Variants in IL1RAPL2 observed in about 807,000 individuals in gnomAD.
IL1RAPL2 encodes the protein X-linked interleukin-1 receptor accessory protein-like 2.
IL1RAPL2 carries 3 observed loss-of-function variants against 44.1 expected under a neutral mutation model. The observed-to-expected ratio is 0.07, with a 90% confidence interval of 0.03 to 0.18. The LOEUF is 0.18. Among genes scored for constraint, IL1RAPL2 ranks in the 10% least tolerant of loss-of-function variants. IL1RAPL2 has a pLI of 1.00. For missense variants in IL1RAPL2, 391 were observed against 496.4 expected (o/e 0.79, Z 2.02); for synonymous variants, 181 against 178.8 (o/e 1.01, Z -0.10).
At chrX:104,582,733 C>T (rs1156752736) in intron 1 of IL1RAPL2, among the ~76,000 whole-genome samples, 2 of 75,717 alleles carry the variant, frequency 2.6e-5, no homozygotes, top group Non-Finnish European at 5.0e-5. Context: ...CTCTCTCTCC[C>T]TTCCTTCCTT....
chrX:105,563,120 T>A (rs2147807689), intron 6 of IL1RAPL2, among the ~76,000 whole-genome samples: 1 of 111,928 alleles, frequency 8.9e-6, no homozygotes, highest in East Asian at 2.8e-4. Context: ...CATTTGATTT[T>A]TAACAATACA....
chrX:104,983,624 A>G (rs2030502840), intron 2 of IL1RAPL2, among the ~76,000 whole-genome samples: 1 of 97,915 alleles, frequency 1.0e-5, no homozygotes, highest in Admixed American at 1.2e-4. Flanking sequence ...ATTATATTAT[A>G]TGCATAATAT....
At chrX:105,017,309 C>T (rs1305129880) in intron 2 of IL1RAPL2, among the ~76,000 whole-genome samples, 2 of 111,276 alleles carry the variant, frequency 1.8e-5, no homozygotes, top group Non-Finnish European at 3.8e-5. Context: ...TTCAGTTCTG[C>T]TCTGATCTTA....
At chrX:105,270,482 T>A (rs747451363) in intron 5 of IL1RAPL2, among the ~76,000 whole-genome samples, 1 of 111,936 alleles carries the variant, frequency 8.9e-6, no homozygotes, top group African/African-American at 3.2e-5. Flanking sequence ...ACTGAGTACA[T>A]GTTACATGCC....
At chrX:105,412,268 C>A (rs1417241734) in intron 5 of IL1RAPL2, among the ~76,000 whole-genome samples, 1 of 105,179 alleles carries the variant, frequency 9.5e-6, no homozygotes, top group Non-Finnish European at 2.0e-5. Context: ...TAGAATCAAC[C>A]CACATGTCCA....
At chrX:105,100,211 G>A (rs1013456525) in intron 2 of IL1RAPL2, among the ~76,000 whole-genome samples, 2 of 111,562 alleles carry the variant, frequency 1.8e-5, no homozygotes, top group Non-Finnish European at 3.8e-5. Context: ...TATAAGGTTT[G>A]GTACTATCCA....
At chrX:105,157,660 T>C (rs1423062765) in intron 2 of IL1RAPL2, among the ~76,000 whole-genome samples, 1 of 111,881 alleles carries the variant, frequency 8.9e-6, no homozygotes, top group Non-Finnish European at 1.9e-5. Context: ...AGTTATATTC[T>C]AGAAAAGCAC....
At chrX:104,802,085 C>T (rs961554021) in intron 2 of IL1RAPL2, among the ~76,000 whole-genome samples, 1 of 110,926 alleles carries the variant, frequency 9.0e-6, no homozygotes, top group African/African-American at 3.3e-5. Context: ...TGGTTCACCC[C>T]TGTAATCCCA....
At chrX:105,271,693 T>C (rs2147658585) in intron 5 of IL1RAPL2, among the ~76,000 whole-genome samples, 1 of 111,029 alleles carries the variant, frequency 9.0e-6, no homozygotes, top group South Asian at 3.9e-4. Context: ...CTTCCATTTG[T>C]TTGTATCCTC....
intron 6 of IL1RAPL2, among the ~76,000 whole-genome samples, chrX:105,663,143 T>G (rs1416218876): frequency 6.3e-5 from 7 of 111,661 alleles, no homozygotes; most frequent in African/African-American, 2.3e-4. Context: ...ATCAGAAAAT[T>G]TTTGGAGAGT....
chrX:105,202,611 G>A (rs2033727198), intron 3 of IL1RAPL2, among the ~76,000 whole-genome samples: 1 of 111,358 alleles, frequency 9.0e-6, no homozygotes, highest in Non-Finnish European at 1.9e-5. Flanking sequence ...ATAATCTATT[G>A]ATTCCACCCA....
intron 5 of IL1RAPL2, among the ~76,000 whole-genome samples, chrX:105,307,002 G>A (rs1001190188): frequency 6.3e-5 from 7 of 111,020 alleles, no homozygotes; most frequent in Non-Finnish European, 1.1e-4. Context: ...CATCTTACAC[G>A]GTGGCAGGCG....
chrX:105,674,927 G>A (rs1373080241), intron 6 of IL1RAPL2, among the ~76,000 whole-genome samples: 2 of 109,659 alleles, frequency 1.8e-5, no homozygotes, highest in Non-Finnish European at 3.8e-5. Flanking sequence ...TAGCAATTGC[G>A]AAGGGGGGGT....
chrX:105,750,893 G>A (rs1418552033), intron 9 of IL1RAPL2, among the ~76,000 whole-genome samples: 1 of 111,003 alleles, frequency 9.0e-6, no homozygotes, highest in Non-Finnish European at 1.9e-5. Flanking sequence ...ATGTGTTACT[G>A]AGGGAAATGT....
intron 1 of IL1RAPL2, among the ~76,000 whole-genome samples, chrX:104,608,196 G>T (rs1035625229): frequency 9.1e-6 from 1 of 110,180 alleles, no homozygotes; most frequent in Non-Finnish European, 1.9e-5. Context: ...ACATGGACAC[G>T]TGGAGGGGAA....
intron 5 of IL1RAPL2, among the ~76,000 whole-genome samples, chrX:105,429,329 TATTC>T (rs1173011342): frequency 2.7e-5 from 3 of 111,892 alleles, no homozygotes; most frequent in African/African-American, 6.5e-5. Context: ...ATCATGAAAA[TATTC>T]AATCAATCTG....
At chrX:105,155,217 G>C (rs1417358033) in intron 2 of IL1RAPL2, among the ~76,000 whole-genome samples, 1 of 111,448 alleles carries the variant, frequency 9.0e-6, no homozygotes, top group Non-Finnish European at 1.9e-5. Context: ...AGGGTAGAGA[G>C]AAGGAATATA....
At chrX:104,851,155 G>C (rs1419505149) in intron 2 of IL1RAPL2, among the ~76,000 whole-genome samples, 2 of 110,834 alleles carry the variant, frequency 1.8e-5, no homozygotes, top group Admixed American at 1.9e-4. Flanking sequence ...CATTTAGAAT[G>C]GTTATTTTTG....
At chrX:104,734,230 AAC>A (rs1408175403) in intron 2 of IL1RAPL2, among the ~76,000 whole-genome samples, 1 of 112,468 alleles carries the variant, frequency 8.9e-6, no homozygotes, top group East Asian at 2.8e-4. Flanking sequence ...ACTCTGGAAA[AAC>A]AGTTTGGCAG....
Sources: gnomAD v4.1 joint callset for allele counts (sites outside exome capture counted in the v4.1 genomes callset) on GRCh38, gnomAD v4.1.1 for gene constraint, MANE v1.5 for transcripts, NCBI Gene and HGNC (gene_info 2026-07-23, HGNC 2026-07-21) for gene names.